The following AFDN variants were observed in gnomAD, a reference collection of about 807,000 sequenced individuals.
AFDN encodes the protein afadin.
In AFDN, 68 loss-of-function variants were observed where a neutral mutation model predicts 216.6. The observed-to-expected ratio is 0.31, with a 90% confidence interval of 0.26 to 0.38. The LOEUF (loss-of-function observed/expected upper bound fraction) is 0.38, where lower values mean the gene tolerates loss of function less well. AFDN is among the 10% of genes least tolerant of loss of function. The pLI is 1.00. For synonymous variants in AFDN, 868 were observed against 853.7 expected, an observed-to-expected ratio of 1.02 and a Z score of -0.29; for missense variants, 2,136 against 2,342.0, an observed-to-expected ratio of 0.91 and a Z score of 1.82.
upstream of AFDN, chr6:167,826,838 A>ACGGCGGGCGGCGGCGCGCTCGG (rs1562506615): frequency 2.2e-5 from 3 of 136,556 alleles, no homozygotes; most frequent in Non-Finnish European, 5.0e-5. Flanking sequence ...GGCGGCGCGC[A>ACGGCGGGCGGCGGCGCGCTCGG]CGGCGGGCGG....
At position 167,839,493 on chromosome 6, in the gene AFDN, T is replaced by C. The variant is rs150172265; in HGVS notation, c.105+12256T>C. Among the ~76,000 whole-genome samples the C allele has an allele frequency of 1.6e-4, 24 of 152,204 alleles. 1 individual carries two copies. The East Asian group carries it at 3.9e-3, about 25-fold the overall frequency. ...GTATTTATTGAGAGCCTGTTAGGAG[T>C]CAGACTTTGTCAGAGATGAAGGAAT... On this transcript the variant is annotated intron_variant, in intron 1 of 33. Coordinates refer to ENST00000683244, the MANE Select transcript of AFDN (RefSeq NM_001386888.1).
chr6:167,889,638 A>G (rs911416281), intron 7 of AFDN, among the ~76,000 whole-genome samples: 5 of 152,060 alleles, frequency 3.3e-5, no homozygotes, highest in African/African-American at 4.8e-5. Context: ...CTCCATGTGG[A>G]TGGCTTTTTG....
At chr6:167,872,173 C>A (rs1472983788) in intron 3 of AFDN, 41 bp from the exon 4 acceptor site, 3 of 1,572,582 alleles carry the variant, frequency 1.9e-6, no homozygotes, top group Non-Finnish European at 2.6e-6. Flanking sequence ...TTATGTGATT[C>A]TGCATAGTAG....
At position 167,827,160 on chromosome 6, in the gene AFDN, C is replaced by T; in HGVS notation, c.28C>T (p.Arg10Trp). Reference protein sequence around the residue: MSAGGRDEERRKLADIIHHW... With the variant: MSAGGRDEEWRKLADIIHHW... ...GTCGGCGGGCGGCCGTGACGAGGAG[C>T]GGCGGAAGCTGGCCGACATCATCCA... is the stretch of plus-strand genomic sequence containing the variant. The change falls in exon 1 of 34, where the codon CGG becomes TGG. Residue 10 changes from arginine to tryptophan, a missense_variant. Physicochemically the swap from Arg to Trp is moderately radical, Grantham distance 101 (BLOSUM62 -3). Coordinates refer to ENST00000683244, the MANE Select transcript of AFDN (RefSeq NM_001386888.1). 2 of 1,298,708 alleles carry T rather than the reference C, an allele frequency of 1.5e-6. No homozygotes were observed. Among genetic ancestry groups the T allele is most frequent in the South Asian group, 1.3e-5 (1 of 76,470 alleles). 80.4% of individuals were successfully genotyped at this position (1,298,708 alleles called of 1,614,324 possible). A position where few individuals can be genotyped will look rare whatever the true frequency, so the allele number is the denominator to read the frequency against.
intron 1 of AFDN, among the ~76,000 whole-genome samples, chr6:167,838,254 G>T (rs1780664917): frequency 6.6e-6 from 1 of 152,192 alleles, no homozygotes; most frequent in Non-Finnish European, 1.5e-5. Flanking sequence ...CCAAGGTTCA[G>T]ATGCCTTTTT....
At chr6:167,831,514 C>A (rs534831890) in intron 1 of AFDN, among the ~76,000 whole-genome samples, 6 of 152,270 alleles carry the variant, frequency 3.9e-5, no homozygotes, top group South Asian at 4.1e-4. Context: ...TAAGTTGAAA[C>A]TACATCTAGG....
At chr6:167,829,437 G>C (rs774513153) in intron 1 of AFDN, among the ~76,000 whole-genome samples, 1 of 151,802 alleles carries the variant, frequency 6.6e-6, no homozygotes, top group Non-Finnish European at 1.5e-5. Context: ...GTCTAAGCTC[G>C]TGTGAATTTT....
Position 167,911,416 on chromosome 6 carries a change from G to T in AFDN, c.1964G>T (p.Ser655Ile), listed in dbSNP as rs771333287. The T allele has an allele frequency of 6.2e-7, 1 of 1,614,086 alleles. No individual in the cohort carries two copies. The highest frequency in any genetic ancestry group is 8.5e-7 in the Non-Finnish European group (1 of 1,180,006). Residue 655 changes from serine (S) to isoleucine (I), a missense_variant, in exon 15 of 34, where the codon AGC becomes ATC. Physicochemically the swap from Ser to Ile is moderately radical, Grantham distance 142 (BLOSUM62 -2). Around this residue, in one of 8 missense-constraint regions of AFDN, gnomAD observed 817 missense variants for 965.7 expected, o/e 0.85. Transcript: ENST00000683244. ...TCCAACCAGTACAGACCTGACATCA[G>T]CCCTACAGAGCGCACACATAAAGTC... is the stretch of plus-strand genomic sequence containing the variant. ...VLSNQYRPDI[S>I]PTERTHKVIA...
intron 31 of AFDN, chr6:167,964,132 T>C: frequency 9.4e-7 from 1 of 1,064,330 alleles, no homozygotes; most frequent in Non-Finnish European, 1.1e-6. Context: ...CTCATGATTA[T>C]TTGAAATACA....
chr6:167,862,706 A>G (rs913411170), intron 1 of AFDN, among the ~76,000 whole-genome samples: 3 of 152,226 alleles, frequency 2.0e-5, no homozygotes, highest in Non-Finnish European at 4.4e-5. Context: ...CCAGACTAAC[A>G]TAGAGATGGA....
At chr6:167,904,879 C>T (rs1346568432) in intron 12 of AFDN, among the ~76,000 whole-genome samples, 1 of 152,198 alleles carries the variant, frequency 6.6e-6, no homozygotes, top group Non-Finnish European at 1.5e-5. Flanking sequence ...AGTTACTGTT[C>T]TGCTTTCGAA....
At chr6:167,871,125 C>T (rs1295339340) in intron 3 of AFDN, among the ~76,000 whole-genome samples, 1 of 151,180 alleles carries the variant, frequency 6.6e-6, no homozygotes. Context: ...GCCCCGCCCC[C>T]CAACAGATTG....
At chr6:167,937,266 C>A (rs1794127262) in intron 23 of AFDN, among the ~76,000 whole-genome samples, 1 of 152,192 alleles carries the variant, frequency 6.6e-6, no homozygotes, top group Non-Finnish European at 1.5e-5. Context: ...ATTGTTTTGT[C>A]TTCTGTGTCT....
intron 30 of AFDN, among the ~76,000 whole-genome samples, chr6:167,961,981 T>C (rs1028760259): frequency 6.6e-6 from 1 of 151,764 alleles, no homozygotes; most frequent in Non-Finnish European, 1.5e-5. Flanking sequence ...CAGAGGCGAG[T>C]GGGGGCCTCC....
chr6:167,935,690 C>A (rs1793909931), intron 23 of AFDN, among the ~76,000 whole-genome samples: 1 of 152,104 alleles, frequency 6.6e-6, no homozygotes, highest in Non-Finnish European at 1.5e-5. Flanking sequence ...TATTTAGGTA[C>A]CTTTAAGCAA....
chr6:167,900,647 A>G (rs1788825083), intron 11 of AFDN, among the ~76,000 whole-genome samples: 1 of 152,228 alleles, frequency 6.6e-6, no homozygotes, highest in Admixed American at 6.5e-5. Flanking sequence ...TTGTTGTTCT[A>G]GGATGATAAT....
intron 6 of AFDN, among the ~76,000 whole-genome samples, chr6:167,885,567 T>C (rs1786690928): frequency 6.6e-6 from 1 of 152,226 alleles, no homozygotes; most frequent in African/African-American, 2.4e-5. Flanking sequence ...TGCCATCTTA[T>C]ATGGGTGCAG....
At chr6:167,882,090 T>G (rs1786185481) in intron 6 of AFDN, among the ~76,000 whole-genome samples, 1 of 151,854 alleles carries the variant, frequency 6.6e-6, no homozygotes, top group African/African-American at 2.4e-5. Context: ...AGGGAGAAAC[T>G]GGAGAGAACA....
At chr6:167,924,866 TTTTTTACTG>T (rs1376273524) in intron 22 of AFDN, 130 bp from the exon 23 acceptor site, 6 of 746,816 alleles carry the variant, frequency 8.0e-6, no homozygotes, top group Non-Finnish European at 1.5e-5. Context: ...AATTGAAATT[TTTTTTACTG>T]TTTATCTTCT....
Sources: allele counts gnomAD v4.1 joint callset (sites outside exome capture counted in the v4.1 genomes callset), GRCh38; gene constraint gnomAD v4.1.1; regional missense constraint gnomAD v4.1.1; transcripts MANE v1.5; gene names NCBI Gene and HGNC (gene_info 2026-07-23, HGNC 2026-07-21).